The following LYPLA1 variants were observed in gnomAD, a reference collection of about 807,000 sequenced individuals.
LYPLA1 encodes acyl-protein thioesterase 1.
Under a neutral mutation model 34.0 loss-of-function variants are expected in LYPLA1, and 17 were observed. The observed-to-expected ratio is 0.50, with a 90% CI of 0.34 to 0.75. The LOEUF is 0.75. LYPLA1 is among the 30% of genes least tolerant of loss of function. The pLI, the probability that LYPLA1 is intolerant of heterozygous loss-of-function variation, is 0.01. For synonymous variants in LYPLA1, 98 were observed against 100.8 expected (o/e 0.97, Z 0.17); for missense variants, 203 against 288.8 (o/e 0.70, Z 2.15).
chr8:54,050,063 T>C (rs1805744543), intron 8 of LYPLA1, among the ~76,000 whole-genome samples: 1 of 152,222 alleles, frequency 6.6e-6, no homozygotes, highest in Non-Finnish European at 1.5e-5. Flanking sequence ...TGAGCTTTTT[T>C]TCTTATAATG....
intron 2 of LYPLA1, among the ~76,000 whole-genome samples, chr8:54,082,313 C>T (rs1808382979): frequency 1.3e-5 from 2 of 152,166 alleles, no homozygotes; most frequent in South Asian, 4.1e-4. Context: ...ACATACGCAC[C>T]ATAGTATGTT....
intron 2 of LYPLA1, among the ~76,000 whole-genome samples, chr8:54,098,482 C>T (rs1809859237): frequency 6.6e-6 from 1 of 152,044 alleles, no homozygotes; most frequent in Non-Finnish European, 1.5e-5. Flanking sequence ...AGTTCAAGAC[C>T]ACCCTGGCCA....
chr8:54,068,910 A>G (rs768864646), intron 2 of LYPLA1, among the ~76,000 whole-genome samples: 23 of 152,350 alleles, frequency 1.5e-4, no homozygotes, highest in Admixed American at 3.9e-4. Context: ...AAATGTTTGC[A>G]AATCACATCT....
intron 2 of LYPLA1, among the ~76,000 whole-genome samples, chr8:54,069,294 A>G (rs1269372099): frequency 1.3e-5 from 2 of 152,248 alleles, no homozygotes; most frequent in African/African-American, 2.4e-5. Flanking sequence ...GAGGTGATGG[A>G]TATGCTAATT....
chr8:54,080,090 T>C (rs184077129), intron 2 of LYPLA1, among the ~76,000 whole-genome samples: 106 of 152,080 alleles, frequency 7.0e-4, no homozygotes, highest in Non-Finnish European at 1.2e-3. Context: ...ATCACACTTA[T>C]AAAATAATCT....
At chr8:54,065,283 C>T (rs931833194) in intron 3 of LYPLA1, among the ~76,000 whole-genome samples, 2 of 151,916 alleles carry the variant, frequency 1.3e-5, no homozygotes, top group Admixed American at 6.6e-5. Flanking sequence ...CATGGTGAAA[C>T]CCTGCCTCTA....
chr8:54,087,485 G>A (rs952666424), intron 2 of LYPLA1, among the ~76,000 whole-genome samples: 12 of 152,156 alleles, frequency 7.9e-5, no homozygotes, highest in Non-Finnish European at 1.5e-5. Context: ...GGGCTACAGG[G>A]CAATACTCTG....
chr8:54,092,555 G>A (rs1809381001), intron 2 of LYPLA1, among the ~76,000 whole-genome samples: 1 of 152,152 alleles, frequency 6.6e-6, no homozygotes, highest in African/African-American at 2.4e-5. Context: ...ATAACCAGGA[G>A]CTAGTTGTAC....
At chr8:54,061,839 GTTTT>G (rs973824799) in intron 5 of LYPLA1, among the ~76,000 whole-genome samples, 1 of 151,772 alleles carries the variant, frequency 6.6e-6, no homozygotes, top group Non-Finnish European at 1.5e-5. Context: ...GATAAATGTG[GTTTT>G]TTTTGGTTTG....
chr8:54,052,914 G>A (rs569206079), intron 6 of LYPLA1, 158 bp from the exon 7 acceptor site: 42 of 578,334 alleles, frequency 7.3e-5, no homozygotes, highest in African/African-American at 5.0e-4. Flanking sequence ...ACACCCCACC[G>A]TGTCCTAAAG....
chr8:54,097,709 G>C (rs1045315273), intron 2 of LYPLA1, among the ~76,000 whole-genome samples: 1 of 152,128 alleles, frequency 6.6e-6, no homozygotes, highest in African/African-American at 2.4e-5. Flanking sequence ...ATAAACAGTG[G>C]GGGATGCTCT....
In LYPLA1 at chr8:54,082,140, C is replaced by A. The variant is rs140519068; in HGVS notation, c.102-16327G>T. On this transcript the variant is annotated intron_variant, in intron 2 of 8. Coordinates refer to ENST00000316963, the MANE Select transcript of LYPLA1 (RefSeq NM_006330.4). ...GTAGGAGAAACAAGATATAAACATA[C>A]CACCACACAGATCAAAAGTTAAGCC... Among the ~76,000 whole-genome samples the A allele has an allele frequency of 8.5e-3, 1,301 of 152,266 alleles. 9 individuals carry two copies. The highest frequency in any genetic ancestry group is 0.012 in the Non-Finnish European group (817 of 68,026).
At chr8:54,052,456 T>G (rs1392249976) in intron 7 of LYPLA1, among the ~76,000 whole-genome samples, 199 bp downstream of exon 7, 1 of 152,096 alleles carries the variant, frequency 6.6e-6, no homozygotes, top group East Asian at 1.9e-4. Flanking sequence ...GGGATGCTGA[T>G]GGTGGGGAGG....
intron 3 of LYPLA1, 40 bp downstream of exon 3, chr8:54,065,708 C>T (rs1187375213): frequency 6.4e-7 from 1 of 1,551,656 alleles, no homozygotes; most frequent in Non-Finnish European, 8.9e-7. Flanking sequence ...TGCTCCTCTC[C>T]AGACTCTGAA....
chr8:54,084,124 GA>G lies in LYPLA1; in HGVS notation c.101+16783del, dbSNP rs201545035. ...CTGCACTCCAGCCTGGGAGACCAAA[GA>G]AAAAAAAAATAAATAAATATATATA... On this transcript the variant is annotated intron_variant, in intron 2 of 8. Coordinates refer to ENST00000316963, the MANE Select transcript of LYPLA1 (RefSeq NM_006330.4). 5.9e-4 allele frequency among the ~76,000 whole-genome samples: 33 copies of G among 56,384 alleles called. 1 individual carries two copies. The highest frequency in any genetic ancestry group is 8.0e-4 in the African/African-American group (9 of 11,190). 37.0% of individuals were successfully genotyped at this position (56,384 alleles called of 152,430 possible).
downstream of LYPLA1, among the ~76,000 whole-genome samples, chr8:54,043,533 C>CA (rs910301258): frequency 6.6e-6 from 1 of 151,880 alleles, no homozygotes; most frequent in African/African-American, 2.4e-5. Flanking sequence ...CTCAGCCTCC[C>CA]AAAGTGCTGG....
intron 2 of LYPLA1, among the ~76,000 whole-genome samples, chr8:54,094,810 C>T (rs1233643171): frequency 6.6e-6 from 1 of 152,154 alleles, no homozygotes; most frequent in Admixed American, 6.5e-5. Flanking sequence ...CCAAAAGACA[C>T]CAAGTACCAG....
intron 3 of LYPLA1, among the ~76,000 whole-genome samples, chr8:54,064,866 C>T (rs879509941): frequency 6.6e-6 from 1 of 151,012 alleles, no homozygotes; most frequent in Admixed American, 6.6e-5. Flanking sequence ...ATTTAAAAAT[C>T]GCAAAAAAAA....
intron 5 of LYPLA1, among the ~76,000 whole-genome samples, chr8:54,059,688 T>C (rs998777618): frequency 2.0e-5 from 3 of 152,160 alleles, no homozygotes; most frequent in Non-Finnish European, 4.4e-5. Flanking sequence ...TCCCAGTACT[T>C]TTGGGGAGGA....
Sources: gnomAD v4.1 joint callset for allele counts (sites outside exome capture counted in the v4.1 genomes callset) on GRCh38, gnomAD v4.1.1 for gene constraint, MANE v1.5 for transcripts, NCBI Gene and HGNC (gene_info 2026-07-23, HGNC 2026-07-21) for gene names.